UBE3D: variants seen among roughly 807,000 people sequenced by gnomAD.
UBE3D encodes E3 ubiquitin-protein ligase E3D.
Under a neutral mutation model 49.6 loss-of-function variants are expected in UBE3D, and 48 were observed. The observed-to-expected ratio is 0.97, with a 90% CI of 0.77 to 1.23. The LOEUF is 1.23. UBE3D is among the 50% of genes most tolerant of loss of function. The pLI, the probability that UBE3D is intolerant of heterozygous loss-of-function variation, is 0.00. For synonymous variants in UBE3D, 189 were observed against 174.2 expected, an observed-to-expected ratio of 1.08 and a Z score of -0.67; for missense variants, 452 against 468.4, an observed-to-expected ratio of 0.96 and a Z score of 0.32.
intron 9 of UBE3D, among the ~76,000 whole-genome samples, chr6:82,893,313 G>C (rs1175410216): frequency 6.6e-6 from 1 of 152,012 alleles, no homozygotes; most frequent in Non-Finnish European, 1.5e-5. Flanking sequence ...ATATTGCTAC[G>C]AAGTAATCCA....
chr6:82,936,432 AAAT>A (rs1272570379), intron 9 of UBE3D, among the ~76,000 whole-genome samples: 2 of 152,178 alleles, frequency 1.3e-5, no homozygotes, highest in Non-Finnish European at 2.9e-5. Flanking sequence ...AATCAGAAGA[AAAT>A]AATAATTTAC....
chr6:82,993,412 C>T (rs997261176), intron 8 of UBE3D, among the ~76,000 whole-genome samples: 1 of 152,086 alleles, frequency 6.6e-6, no homozygotes, highest in African/African-American at 2.4e-5. Context: ...GGGATTGGTT[C>T]CAGGACTGCC....
At chr6:83,065,286 T>G (rs1784420707) in intron 1 of UBE3D, among the ~76,000 whole-genome samples, 1 of 152,214 alleles carries the variant, frequency 6.6e-6, no homozygotes, top group Non-Finnish European at 1.5e-5. Context: ...TTTTGCATTG[T>G]TTTGTTGGAA....
intron 9 of UBE3D, among the ~76,000 whole-genome samples, chr6:82,943,486 A>C (rs1775171230): frequency 6.6e-6 from 1 of 152,098 alleles, no homozygotes; most frequent in Non-Finnish European, 1.5e-5. Flanking sequence ...AAGTACAAAA[A>C]TTAGCTGGGC....
intron 8 of UBE3D, among the ~76,000 whole-genome samples, chr6:82,992,371 T>A (rs1399893319): frequency 6.6e-6 from 1 of 151,946 alleles, no homozygotes; most frequent in Non-Finnish European, 1.5e-5. Flanking sequence ...TACAGGTGCC[T>A]GCCACCACGC....
At chr6:82,999,973 C>T (rs534163191) in intron 8 of UBE3D, among the ~76,000 whole-genome samples, 54 of 152,296 alleles carry the variant, frequency 3.5e-4, no homozygotes, top group Admixed American at 2.0e-3. Flanking sequence ...CTCTCAGCAG[C>T]GTTTGACTAC....
At position 82,893,067 on chromosome 6, in the gene UBE3D, A is replaced by G. The variant is rs142818315; in HGVS notation, c.1150-25T>C. The G allele has an allele frequency of 1.5e-5, 25 of 1,612,964 alleles. No homozygotes were observed. In the African/African-American group the frequency reaches 2.4e-4, roughly 15 times the overall value. ...CCTGGAGAAGGAAGAAAAACCCACA[A>G]TGCTTTACTTCTATAATATGACAAA... On this transcript the variant is annotated intron_variant, in intron 9 of 9. Transcript: ENST00000369747.
rs1167714596 is a variant in UBE3D, at chr6:83,022,444, AT to A, written c.846+8del. 2.6e-6 allele frequency: 4 copies of A among 1,541,390 alleles called. No individual in the cohort carries two copies. ...AGGCTACAAAAAGCTGGATAAAATAATTTCTTACCAAGATATACACTTTGTC... is the reference window on the plus strand; with the variant it reads ...AGGCTACAAAAAGCTGGATAAAATAATTCTTACCAAGATATACACTTTGTC... On this transcript the variant is annotated splice_region_variant and intron_variant, in intron 7 of 9. Coordinates refer to ENST00000369747, the MANE Select transcript of UBE3D (RefSeq NM_198920.3).
chr6:82,991,238 G>T (rs1473544360), intron 8 of UBE3D, among the ~76,000 whole-genome samples: 1 of 152,144 alleles, frequency 6.6e-6, no homozygotes, highest in Middle Eastern at 3.2e-3. Flanking sequence ...TGAGGAGTCA[G>T]TAAGTCCAGC....
intron 8 of UBE3D, among the ~76,000 whole-genome samples, chr6:83,009,802 TAAAAGAA>T (rs2127757282): frequency 6.7e-6 from 1 of 149,428 alleles, no homozygotes; most frequent in African/African-American, 2.5e-5. Context: ...AGTACAAGGT[TAAAAGAA>T]GTATTAAAGA....
At position 82,936,725 on chromosome 6, in the gene UBE3D, C is replaced by T. The variant is rs150859597; in HGVS notation, c.1149+20587G>A. On this transcript the variant is annotated intron_variant, in intron 9 of 9. Transcript: ENST00000369747. The stretch of plus-strand genomic sequence containing the variant: ...CCTAATTGAAGCCCCTTCCCTGCTG[C>T]CCAGACATGATCACTTGGTTTGTGA... Among the ~76,000 whole-genome samples, 962 of 152,286 alleles carry T rather than the reference C, an allele frequency of 6.3e-3. 8 individuals are homozygous for T. The highest frequency in any genetic ancestry group is 0.016 in the South Asian group (76 of 4,828).
chr6:83,047,957 C>T (rs990153980), intron 3 of UBE3D, among the ~76,000 whole-genome samples: 2 of 151,718 alleles, frequency 1.3e-5, no homozygotes, highest in African/African-American at 4.8e-5. Flanking sequence ...TGGCGGGCAC[C>T]TGTAGTCCCA....
chr6:82,985,687 A>G (rs993387589), intron 8 of UBE3D, among the ~76,000 whole-genome samples: 1 of 152,090 alleles, frequency 6.6e-6, no homozygotes, highest in African/African-American at 2.4e-5. Flanking sequence ...TAAACCTCTG[A>G]TCTATTTGAA....
chr6:82,905,278 C>A (rs563848463), intron 9 of UBE3D, among the ~76,000 whole-genome samples: 8 of 152,262 alleles, frequency 5.3e-5, no homozygotes, highest in African/African-American at 1.4e-4. Flanking sequence ...GTGCTCACTT[C>A]ATTTTTCTGC....
intron 3 of UBE3D, among the ~76,000 whole-genome samples, chr6:83,053,806 G>A (rs1018844218): frequency 6.6e-6 from 1 of 152,200 alleles, no homozygotes; most frequent in African/African-American, 2.4e-5. Context: ...AAAAATCACT[G>A]AATGTGGAAA....
At chr6:83,007,367 A>C (rs577284550) in intron 8 of UBE3D, among the ~76,000 whole-genome samples, 104 of 152,310 alleles carry the variant, frequency 6.8e-4, no homozygotes, top group African/African-American at 2.4e-3. Context: ...TACCAATACC[A>C]ATACTAGGAC....
At chr6:82,967,649 T>C (rs1400880939) in intron 8 of UBE3D, among the ~76,000 whole-genome samples, 1 of 152,132 alleles carries the variant, frequency 6.6e-6, no homozygotes, top group African/African-American at 2.4e-5. Context: ...ATTTTTTTTC[T>C]TTTTTAAAAA....
At chr6:82,987,895 G>A (rs745839710) in intron 8 of UBE3D, among the ~76,000 whole-genome samples, 19 of 152,122 alleles carry the variant, frequency 1.2e-4, no homozygotes, top group Non-Finnish European at 2.1e-4. Context: ...CAATTAAAAC[G>A]AATGAATAAA....
At chr6:82,898,681 G>C (rs1007912679) in intron 9 of UBE3D, among the ~76,000 whole-genome samples, 14 of 151,408 alleles carry the variant, frequency 9.2e-5, no homozygotes, top group Non-Finnish European at 1.6e-4. Flanking sequence ...CTGTTGGGGG[G>C]TAGGGGGCTA....
Sources: allele counts gnomAD v4.1 joint callset (sites outside exome capture counted in the v4.1 genomes callset), GRCh38; gene constraint gnomAD v4.1.1; transcripts MANE v1.5; gene names NCBI Gene and HGNC (gene_info 2026-07-23, HGNC 2026-07-21).